Variants in MYOM2 observed in about 807,000 individuals in gnomAD.
MYOM2 encodes myomesin 2, also known as myomesin-2.
Under a neutral mutation model 187.6 loss-of-function variants are expected in MYOM2, and 254 were observed. The observed-to-expected ratio is 1.35, with a 90% CI of 1.22 to 1.50. The LOEUF (loss-of-function observed/expected upper bound fraction) is 1.50. MYOM2 is among the 40% of genes most tolerant of loss of function. MYOM2 has a pLI of 0.00. For synonymous variants in MYOM2, 981 were observed against 753.8 expected (o/e 1.30, Z -4.94); for missense variants, 2,796 against 1,924.0 (o/e 1.45, Z -8.48).
chr8:2,106,238 G>GC lies in MYOM2; in HGVS notation c.2735-3dup. The GC allele has an allele frequency of 6.2e-7, 1 of 1,613,950 alleles. No homozygotes were observed. The highest frequency in any genetic ancestry group is 8.5e-7 in the Non-Finnish European group (1 of 1,179,902). On this transcript the variant is annotated splice_polypyrimidine_tract_variant and splice_region_variant and intron_variant, in intron 21 of 36. Coordinates refer to ENST00000262113, the MANE Select transcript of MYOM2 (RefSeq NM_003970.4). The stretch of plus-strand genomic sequence containing the variant: ...GCCGCTCACTTCATACTCTTCTTAT[G>GC]CAGGCACCAAGGAAATCAGTGCTGG...
chr8:2,144,253 A>G (rs1390005917), intron 36 of MYOM2, among the ~76,000 whole-genome samples: 1 of 152,230 alleles, frequency 6.6e-6, no homozygotes, highest in African/African-American at 2.4e-5. Flanking sequence ...CAGTTATAAA[A>G]CGATATATTC....
At chr8:2,125,473 CT>C (rs762648948) in intron 31 of MYOM2, among the ~76,000 whole-genome samples, 24 of 152,104 alleles carry the variant, frequency 1.6e-4, no homozygotes, top group Non-Finnish European at 2.6e-4. Context: ...CAGTGCCATG[CT>C]GTTTTGGTTT....
In MYOM2 at chr8:2,144,893, A is replaced by C; in HGVS notation, c.4310A>C (p.Lys1437Thr). ...EKIDVTVSVY[K>T]HGEKIPDMAP... ...ATCGACGTGACAGTGAGCGTGTACA[A>C]ACACGGGGAGAAGATCCCGGACATG... The change falls in exon 37 of 37, where the codon AAA becomes ACA. Residue 1437 changes from lysine to threonine, a missense_variant. Lys to Thr is a moderately conservative substitution (Grantham distance 78). Coordinates refer to ENST00000262113, the MANE Select transcript of MYOM2 (RefSeq NM_003970.4). 2 of 1,614,146 alleles carry C rather than the reference A, an allele frequency of 1.2e-6. No individual in the cohort carries two copies. Among genetic ancestry groups the C allele is most frequent in the Non-Finnish European group, 1.7e-6 (2 of 1,180,026 alleles).
intron 1 of MYOM2, among the ~76,000 whole-genome samples, chr8:2,047,263 C>T (rs116347361): frequency 1.7e-4 from 26 of 152,240 alleles, no homozygotes; most frequent in African/African-American, 5.1e-4. Context: ...CTTGCAAAGA[C>T]GTCATCACAC....
intron 32 of MYOM2, among the ~76,000 whole-genome samples, chr8:2,129,975 C>T (rs1398247991): frequency 1.3e-5 from 2 of 152,146 alleles, no homozygotes; most frequent in Non-Finnish European, 2.9e-5. Flanking sequence ...AGAGCAGGGA[C>T]GGTGGCTTTT....
chr8:2,116,760 A>AT (rs201729546), intron 27 of MYOM2, among the ~76,000 whole-genome samples: 2,675 of 152,112 alleles, frequency 0.018, 75 homozygotes, highest in African/African-American at 0.061. Flanking sequence ...TATTCAAAGA[A>AT]TTTTTTTTCT....
chr8:2,108,102 T>C (rs1240692374), intron 23 of MYOM2, among the ~76,000 whole-genome samples: 1 of 152,202 alleles, frequency 6.6e-6, no homozygotes, highest in Non-Finnish European at 1.5e-5. Context: ...CCATTTTGAA[T>C]AGACATGTTC....
intron 14 of MYOM2, 101 bp from the exon 15 acceptor site, chr8:2,089,907 T>G (rs1796237319): frequency 1.8e-6 from 2 of 1,115,634 alleles, no homozygotes; most frequent in Non-Finnish European, 2.5e-6. Flanking sequence ...GCGCGCCTGG[T>G]GGTCCTGGGA....
At chr8:2,142,977 A>T (rs111713364) in intron 35 of MYOM2, among the ~76,000 whole-genome samples, 5,023 of 151,844 alleles carry the variant, frequency 0.033, 281 homozygotes, top group African/African-American at 0.11. Context: ...GCTGGTCTCT[A>T]ACTCCTGACC....
chr8:2,144,596 G>A (rs762977937), intron 36 of MYOM2, 68 bp from the exon 37 acceptor site: 71 of 1,515,544 alleles, frequency 4.7e-5, no homozygotes, highest in Middle Eastern at 3.4e-4. Flanking sequence ...GGAGCCCACC[G>A]TCCGAGGGGG....
intron 3 of MYOM2, among the ~76,000 whole-genome samples, chr8:2,053,875 T>C (rs1348078016): frequency 1.3e-5 from 2 of 152,242 alleles, no homozygotes; most frequent in East Asian, 1.9e-4. Context: ...CCCATGTGCA[T>C]GTCTTCCATG....
chr8:2,091,934 T>C (rs1274245918), intron 15 of MYOM2, among the ~76,000 whole-genome samples: 2 of 152,226 alleles, frequency 1.3e-5, no homozygotes, highest in Non-Finnish European at 1.5e-5. Flanking sequence ...GATCGAATTT[T>C]GAGTGCCCCT....
intron 14 of MYOM2, among the ~76,000 whole-genome samples, chr8:2,089,429 A>C (rs1796216803): frequency 6.6e-6 from 1 of 152,320 alleles, no homozygotes; most frequent in Non-Finnish European, 1.5e-5. Flanking sequence ...TACAATTTGC[A>C]TTCTGTATTA....
At chr8:2,084,819 C>T (rs1530190) in intron 13 of MYOM2, among the ~76,000 whole-genome samples, 76,515 of 151,914 alleles carry the variant, frequency 0.5, 19,354 homozygotes, top group South Asian at 0.56. Flanking sequence ...TGAGGGCACA[C>T]GGTATAAAGA....
intron 1 of MYOM2, among the ~76,000 whole-genome samples, chr8:2,048,494 T>G (rs1370669612): frequency 6.6e-6 from 1 of 152,250 alleles, no homozygotes; most frequent in Admixed American, 6.5e-5. Context: ...TACCTTTTCC[T>G]GTCTGCAGAA....
intron 32 of MYOM2, among the ~76,000 whole-genome samples, chr8:2,132,016 C>T (rs1797891278): frequency 6.6e-6 from 1 of 152,174 alleles, no homozygotes; most frequent in Non-Finnish European, 1.5e-5. Context: ...TATTAAACAA[C>T]ATGAAACTAT....
intron 13 of MYOM2, among the ~76,000 whole-genome samples, chr8:2,082,924 A>T (rs1356872493): frequency 6.6e-6 from 1 of 152,186 alleles, no homozygotes; most frequent in Non-Finnish European, 1.5e-5. Flanking sequence ...GGATGAGGGA[A>T]CAAAATACAG....
intron 28 of MYOM2, among the ~76,000 whole-genome samples, chr8:2,120,503 G>C (rs1797387507): frequency 6.6e-6 from 1 of 150,532 alleles, no homozygotes; most frequent in African/African-American, 2.4e-5. Context: ...AAGGGGATTT[G>C]CAGGAGGATG....
At chr8:2,047,435 A>G (rs1818345459) in intron 1 of MYOM2, among the ~76,000 whole-genome samples, 1 of 152,206 alleles carries the variant, frequency 6.6e-6, no homozygotes. Context: ...CATGTGATTG[A>G]TAAAAGTGGA....
Sources: allele counts gnomAD v4.1 joint callset (sites outside exome capture counted in the v4.1 genomes callset), GRCh38; gene constraint gnomAD v4.1.1; transcripts MANE v1.5; gene names NCBI Gene and HGNC (gene_info 2026-07-23, HGNC 2026-07-21).